The following DIP2A variants were observed in gnomAD, a reference collection of about 807,000 sequenced individuals.
The protein encoded by DIP2A is DIP2 acetate--CoA ligase A, also known as disco-interacting protein 2 homolog A.
DIP2A carries 85 observed loss-of-function variants against 177.4 expected under a neutral mutation model. That is an observed-to-expected ratio of 0.48 (90% CI 0.40 to 0.57). DIP2A has a LOEUF of 0.57. Among genes scored for constraint, DIP2A ranks in the 20% least tolerant of loss-of-function variants. The probability of loss-of-function intolerance (pLI) is 0.00; values close to 1 mark genes in which losing one functional copy is unlikely to be tolerated. For synonymous variants in DIP2A, 886 were observed against 881.8 expected (o/e 1.00, Z -0.08); for missense variants, 1,791 against 2,100.2 (o/e 0.85, Z 2.88).
intron 1 of DIP2A, among the ~76,000 whole-genome samples, chr21:46,459,544 T>C (rs1601261709): frequency 4.8e-4 from 3 of 6,238 alleles, no homozygotes; most frequent in South Asian, 5.9e-3. Flanking sequence ...CCCCGGGACC[T>C]CCTGCCCCTC....
rs59835943 is a variant in DIP2A at position 46,468,412 on chromosome 21, T to TA, written c.91+9206dup. Reference sequence around the variant, plus strand: ...CCACTGCACTCCATGATACCCTGTCTAAAAAAAAAAAAAAAAGAGAGAAAA... The same window carrying TA: ...CCACTGCACTCCATGATACCCTGTCTAAAAAAAAAAAAAAAAAGAGAGAAAA... On this transcript the variant is annotated intron_variant, in intron 1 of 37. Transcript: ENST00000417564. Among the ~76,000 whole-genome samples, 1,236 of 142,620 alleles carry TA rather than the reference T, an allele frequency of 8.7e-3. 29 individuals are homozygous for TA. The highest frequency in any genetic ancestry group is 0.054 in the Admixed American group (763 of 14,250). 93.6% of individuals were successfully genotyped at this position (142,620 alleles called of 152,430 possible).
chr21:46,538,502 G>A lies in DIP2A; in HGVS notation c.1821G>A (p.Lys607=). The change falls in exon 16 of 38, where the codon AAG becomes AAA. Residue 607 remains lysine, a synonymous_variant. Transcript: ENST00000417564. ...CTGCAGCTCGGGCCGCGCTGGTGAAGTCGCGAGACATGCACTGGTCTCTCC... is the reference window on the plus strand; with the variant it reads ...CTGCAGCTCGGGCCGCGCTGGTGAAATCGCGAGACATGCACTGGTCTCTCC... ...CFYKARAALV[K]SRDMHWSLLA... 6.5e-7 allele frequency: 1 copy of A among 1,550,036 alleles called. No homozygotes were observed. The highest frequency in any genetic ancestry group is 8.7e-7 in the Non-Finnish European group (1 of 1,149,918).
Position 46,557,631 on chromosome 21 carries a change from G to C in DIP2A, c.3676G>C (p.Glu1226Gln). 6.2e-7 allele frequency: 1 copy of C among 1,613,478 alleles called. No individual in the cohort carries two copies. Among genetic ancestry groups the C allele is most frequent in the Non-Finnish European group, 8.5e-7 (1 of 1,179,820 alleles). The change falls in exon 31 of 38, where the codon GAG (glutamate) becomes CAG (glutamine). Residue 1226 changes from glutamate to glutamine, a missense_variant. Transcript: ENST00000417564. This position sits in a 1 kb window ranked among gnomAD's most constrained non-coding sequence, Gnocchi z 6.0. ...AGTGCTGGTGCCCCCGCTGGAGCTG[G>C]AGAGCAACGTGTCCCTGTGGCTGTC... The part of the protein sequence containing the change: ...QSVLVPPLEL[E>Q]SNVSLWLSAV...
chr21:46,565,642 G>GC, intron 35 of DIP2A, 71 bp from the exon 36 acceptor site: 1 of 1,442,382 alleles, frequency 6.9e-7, no homozygotes, highest in East Asian at 2.6e-5. Context: ...CTTGGCCAGT[G>GC]GATGTCTCGT....
Position 46,550,755 on chromosome 21 carries a change from C to A in DIP2A, c.2839+11C>A. The A allele has an allele frequency of 3.1e-6, 5 of 1,613,504 alleles. No individual in the cohort carries two copies. The highest frequency in any genetic ancestry group is 4.2e-6 in the Non-Finnish European group (5 of 1,179,604). On this transcript the variant is annotated intron_variant, in intron 23 of 37. Transcript: ENST00000417564. ...GTCAGAAACAACCAGGTTAGTTGAACCTAACAACAGGATGCTCTCTAGTCT... is the reference window on the plus strand; with the variant it reads ...GTCAGAAACAACCAGGTTAGTTGAAACTAACAACAGGATGCTCTCTAGTCT...
intron 6 of DIP2A, among the ~76,000 whole-genome samples, chr21:46,506,654 A>G (rs2057998817): frequency 6.6e-6 from 1 of 150,408 alleles, no homozygotes; most frequent in South Asian, 2.1e-4. Context: ...CCTATTTGCC[A>G]TCTGTGTATC....
intron 20 of DIP2A, 92 bp downstream of exon 20, chr21:46,546,053 G>A (rs770971969): frequency 1.9e-6 from 3 of 1,593,320 alleles, no homozygotes; most frequent in East Asian, 2.3e-5. Flanking sequence ...CCTTGTCCTG[G>A]CCGTTCCTGA....
In DIP2A at chr21:46,524,872, C is replaced by CTTTTTTT. The variant is rs3061062; in HGVS notation, c.1103-4194_1103-4188dup. Among the ~76,000 whole-genome samples, 235 of 63,362 alleles carry CTTTTTTT rather than the reference C, an allele frequency of 3.7e-3. 9 individuals are homozygous for CTTTTTTT. The highest frequency in any genetic ancestry group is 5.0e-3 in the Non-Finnish European group (177 of 35,360). 41.6% of individuals were successfully genotyped at this position (63,362 alleles called of 152,430 possible). A position where few individuals can be genotyped will look rare whatever the true frequency, so the allele number is the denominator to read the frequency against. The stretch of plus-strand genomic sequence containing the variant: ...TTTCTTTTATGATTTTTGCTTTTTG[C>CTTTTTTT]TTTTTTTTTTTTTTTTTTTTTTTTT... On this transcript the variant is annotated intron_variant, in intron 8 of 37. Transcript: ENST00000417564.
rs1350851685 is a variant in DIP2A at position 46,500,450 on chromosome 21, T to C, written c.655+1617T>C. Among the ~76,000 whole-genome samples, 3 of 152,366 alleles carry C rather than the reference T, an allele frequency of 2.0e-5. No individual in the cohort carries two copies. In the East Asian group the frequency reaches 5.8e-4, roughly 29 times the overall value. On this transcript the variant is annotated intron_variant, in intron 5 of 37. Coordinates refer to ENST00000417564, the MANE Select transcript of DIP2A (RefSeq NM_015151.4). ...AGCTTTTGCACTGTTGTTTGCCTTC[T>C]CTGTTCATCGTTGGTGATTTAACTT...
chr21:46,491,978 C>T (rs1475386015), intron 3 of DIP2A, among the ~76,000 whole-genome samples: 2 of 152,180 alleles, frequency 1.3e-5, no homozygotes, highest in African/African-American at 2.4e-5. Flanking sequence ...AGTTTTTAAT[C>T]CTGATGAAGT....
chr21:46,534,059 A>C lies in DIP2A; in HGVS notation c.1485A>C (p.Pro495=). 1 of 1,613,838 alleles carries C rather than the reference A, an allele frequency of 6.2e-7. No individual in the cohort carries two copies. Among genetic ancestry groups the C allele is most frequent in the Non-Finnish European group, 8.5e-7 (1 of 1,179,860 alleles). ...ATGGGAAGCATCTAGCCAAGCCCCC[A>C]AAGGACTGGCACCCTCTGGCCCAGG... The part of the protein sequence containing the change: ...VIDGKHLAKP[P]KDWHPLAQDT... The change falls in exon 12 of 38, where the codon CCA becomes CCC. Residue 495 remains proline, a synonymous_variant. Transcript: ENST00000417564.
At position 46,555,543 on chromosome 21, in the gene DIP2A, G is replaced by A. The variant is rs2060436113; in HGVS notation, c.3389-439G>A. 7 of 205,578 alleles carry A rather than the reference G, an allele frequency of 3.4e-5. No homozygotes were observed. In the South Asian group the frequency reaches 5.0e-4, roughly 15 times the overall value. 12.7% of individuals were successfully genotyped at this position (205,578 alleles called of 1,614,324 possible). Reference sequence around the variant, plus strand: ...CCTGTGTCCAGTTGCACCCAGGGAGGCAGTGGTGTCTGGCTCATGGGGCCA... The same window carrying A: ...CCTGTGTCCAGTTGCACCCAGGGAGACAGTGGTGTCTGGCTCATGGGGCCA... On this transcript the variant is annotated intron_variant, in intron 28 of 37. Transcript: ENST00000417564.
intron 1 of DIP2A, among the ~76,000 whole-genome samples, chr21:46,473,578 C>T (rs2055589822): frequency 6.6e-6 from 1 of 152,072 alleles, no homozygotes; most frequent in Non-Finnish European, 1.5e-5. Flanking sequence ...TGCAGTGGCG[C>T]AATCCCAGCT....
At position 46,477,567 on chromosome 21, in the gene DIP2A, GTA is replaced by G. The variant is rs1370590931; in HGVS notation, c.92-7188_92-7187del. On this transcript the variant is annotated intron_variant, in intron 1 of 37. Coordinates refer to ENST00000417564, the MANE Select transcript of DIP2A (RefSeq NM_015151.4). ...TTTGTGTGTGTGTGTGTGTGTGTGT[GTA>G]TTTCTTTTTTTTTTTTTTTCTTGAG... is the stretch of plus-strand genomic sequence containing the variant. 1.3e-4 allele frequency among the ~76,000 whole-genome samples: 15 copies of G among 115,326 alleles called. No individual in the cohort carries two copies. In the South Asian group the frequency reaches 1.4e-3, roughly 11 times the overall value. The allele number at this position is 115,326 out of a possible 152,430, so 75.7% of individuals were successfully genotyped here.
intron 2 of DIP2A, among the ~76,000 whole-genome samples, chr21:46,485,977 A>G (rs1388179603): frequency 2.7e-5 from 4 of 150,186 alleles, no homozygotes; most frequent in African/African-American, 4.9e-5. Flanking sequence ...AGGCTGAGAC[A>G]GGAGAATCAC....
Position 46,567,273 on chromosome 21 carries a change from G to A in DIP2A, c.4464-97G>A. The A allele has an allele frequency of 2.7e-6, 4 of 1,504,602 alleles. No individual in the cohort carries two copies. The South Asian group carries it at 3.9e-5, about 15-fold the overall frequency. The allele number at this position is 1,504,602 out of a possible 1,614,324, so 93.2% of individuals were successfully genotyped here. A position where few individuals can be genotyped will look rare whatever the true frequency, so the allele number is the denominator to read the frequency against. ...CTTAAATAGCTGTGTGACATTGGTG[G>A]GCTTCACTCTTCTTTGTGCCACCCT... is the stretch of plus-strand genomic sequence containing the variant. On this transcript the variant is annotated intron_variant, in intron 37 of 37. Coordinates refer to ENST00000417564, the MANE Select transcript of DIP2A (RefSeq NM_015151.4).
At chr21:46,508,520 G>A (rs1006744097) in intron 6 of DIP2A, among the ~76,000 whole-genome samples, 24 of 150,264 alleles carry the variant, frequency 1.6e-4, no homozygotes, top group Admixed American at 1.3e-3. Flanking sequence ...CACCACACCC[G>A]GCTAATTTTT....
At chr21:46,511,259 A>G (rs1209315929) in intron 7 of DIP2A, among the ~76,000 whole-genome samples, 158 bp from the exon 8 acceptor site, 2 of 152,242 alleles carry the variant, frequency 1.3e-5, no homozygotes, top group African/African-American at 4.8e-5. Flanking sequence ...TCCTTTGGTT[A>G]GTTGTCGGTG....
At chr21:46,531,765 A>G (rs2059367024) in intron 9 of DIP2A, among the ~76,000 whole-genome samples, 3 of 152,262 alleles carry the variant, frequency 2.0e-5, no homozygotes, top group Admixed American at 2.0e-4. Context: ...TCTGAAGGTT[A>G]TAGGTTACAT....
Sources: gnomAD v4.1 joint callset for allele counts (sites outside exome capture counted in the v4.1 genomes callset) on GRCh38, gnomAD v4.1.1 for gene constraint, Gnocchi (gnomAD v3.1) non-coding constraint, MANE v1.5 for transcripts, NCBI Gene and HGNC (gene_info 2026-07-23, HGNC 2026-07-21) for gene names.